Variants in ADGRB3 observed in about 807,000 individuals in gnomAD.
ADGRB3 encodes the protein brain-specific angiogenesis inhibitor 3.
In ADGRB3, 37 loss-of-function variants were observed where a neutral mutation model predicts 193.4. The observed-to-expected ratio is 0.19, with a 90% CI of 0.15 to 0.25. The LOEUF is 0.25. ADGRB3 is among the 10% of genes least tolerant of loss of function. The probability of loss-of-function intolerance (pLI) is 1.00; values close to 1 mark genes in which losing one functional copy is unlikely to be tolerated. For missense variants in ADGRB3, 1,637 were observed against 1,852.9 expected (o/e 0.88, Z 2.14); for synonymous variants, 690 against 644.2 (o/e 1.07, Z -1.08).
intron 8 of ADGRB3, among the ~76,000 whole-genome samples, chr6:68,968,381 A>G (rs1335127907): frequency 2.0e-5 from 3 of 152,216 alleles, no homozygotes; most frequent in African/African-American, 7.2e-5. Flanking sequence ...CCCGACAGGG[A>G]AATGAAGAAG....
intron 13 of ADGRB3, among the ~76,000 whole-genome samples, chr6:69,031,551 T>TTCTTTCTTTCTTTCTTTCTTTCTTTC (rs371280892): frequency 5.0e-3 from 70 of 13,872 alleles, no homozygotes; most frequent in African/African-American, 5.7e-3. Flanking sequence ...CTTTCTTTCT[T>TTCTTTCTTTCTTTCTTTCTTTCTTTC]TTTCTTTCTT....
chr6:69,279,108 T>C (rs1767369386), intron 20 of ADGRB3, among the ~76,000 whole-genome samples: 1 of 135,532 alleles, frequency 7.4e-6, no homozygotes, highest in Admixed American at 7.4e-5. Flanking sequence ...TATATATATA[T>C]ATATATATAT....
At chr6:69,159,495 T>A (rs190807048) in intron 17 of ADGRB3, among the ~76,000 whole-genome samples, 1 of 152,250 alleles carries the variant, frequency 6.6e-6, no homozygotes, top group Non-Finnish European at 1.5e-5. Context: ...GTAAATGAAC[T>A]GAACCCTGGC....
intron 3 of ADGRB3, among the ~76,000 whole-genome samples, chr6:68,911,488 G>T (rs549399452): frequency 1.9e-4 from 29 of 152,152 alleles, no homozygotes; most frequent in African/African-American, 6.5e-4. Flanking sequence ...TAATTTAAAT[G>T]CCTGAGTCAT....
chr6:68,927,782 T>A (rs1430714002), intron 3 of ADGRB3, among the ~76,000 whole-genome samples: 2 of 152,152 alleles, frequency 1.3e-5, no homozygotes, highest in Non-Finnish European at 2.9e-5. Context: ...ATTTTTAATA[T>A]CTTCTCTCTT....
chr6:69,084,342 A>C (rs776031630), intron 17 of ADGRB3, among the ~76,000 whole-genome samples: 4 of 152,224 alleles, frequency 2.6e-5, no homozygotes, highest in Non-Finnish European at 4.4e-5. Context: ...AGAAAAACCA[A>C]GGAGCCATGT....
intron 16 of ADGRB3, among the ~76,000 whole-genome samples, chr6:69,067,227 G>T (rs1226415801): frequency 6.6e-6 from 1 of 152,062 alleles, no homozygotes; most frequent in Non-Finnish European, 1.5e-5. Flanking sequence ...TCAGGGTTGA[G>T]ATAAATGCGT....
In ADGRB3 at chr6:69,205,542, A is replaced by G. The variant is rs546234335; in HGVS notation, c.2481-27748A>G. Among the ~76,000 whole-genome samples, 137 of 152,234 alleles carry G rather than the reference A, an allele frequency of 9.0e-4. 1 individual carries two copies. Among genetic ancestry groups the G allele is most frequent in the African/African-American group, 3.2e-3 (133 of 41,542 alleles). On this transcript the variant is annotated intron_variant, in intron 17 of 31. Coordinates refer to ENST00000370598, the MANE Select transcript of ADGRB3 (RefSeq NM_001704.3). ...AGACTGGGTGATTTATAAATAAAAGATGTTTATTTGCCTCATGGTTCTGGA... is the reference window on the plus strand; with the variant it reads ...AGACTGGGTGATTTATAAATAAAAGGTGTTTATTTGCCTCATGGTTCTGGA...
At chr6:68,823,504 A>G (rs1767785612) in intron 3 of ADGRB3, among the ~76,000 whole-genome samples, 1 of 152,016 alleles carries the variant, frequency 6.6e-6, no homozygotes, top group Non-Finnish European at 1.5e-5. Context: ...AGAAGATAAT[A>G]TGTTTTATTT....
rs182152914 is a variant in ADGRB3, at chr6:68,663,923, C to G, written c.757+24491C>G. Among the ~76,000 whole-genome samples, 4 of 151,898 alleles carry G rather than the reference C, an allele frequency of 2.6e-5. No individual in the cohort carries two copies. The East Asian group carries it at 7.8e-4, about 30-fold the overall frequency. ...TAAATTACAAGTAGCCCAACTAAAA[C>G]ATCTGCAGTGTGGTATTTTTGTGCA... On this transcript the variant is annotated intron_variant, in intron 3 of 31. Transcript: ENST00000370598.
At chr6:68,838,816 G>C (rs1768093326) in intron 3 of ADGRB3, among the ~76,000 whole-genome samples, 1 of 152,122 alleles carries the variant, frequency 6.6e-6, no homozygotes. Flanking sequence ...GTGTCAGTTT[G>C]CATTTATTTG....
intron 30 of ADGRB3, among the ~76,000 whole-genome samples, chr6:69,377,340 G>A (rs1013659712): frequency 4.0e-5 from 6 of 151,898 alleles, no homozygotes; most frequent in Non-Finnish European, 8.8e-5. Flanking sequence ...TCCTGTCAGT[G>A]GCCCCTTATT....
At chr6:69,103,515 AT>A (rs1268246300) in intron 17 of ADGRB3, among the ~76,000 whole-genome samples, 1 of 152,064 alleles carries the variant, frequency 6.6e-6, no homozygotes, top group African/African-American at 2.4e-5. Flanking sequence ...AAGAAGTCTC[AT>A]TTGCCAGTGA....
intron 3 of ADGRB3, among the ~76,000 whole-genome samples, chr6:68,882,063 T>A (rs553979121): frequency 6.6e-6 from 1 of 152,298 alleles, no homozygotes; most frequent in Non-Finnish European, 1.5e-5. Context: ...GTTAGCAAGC[T>A]TTTATGTTCT....
intron 10 of ADGRB3, among the ~76,000 whole-genome samples, chr6:68,989,193 G>T (rs1472716233): frequency 6.6e-6 from 1 of 151,936 alleles, no homozygotes; most frequent in Non-Finnish European, 1.5e-5. Flanking sequence ...AGCAAAACAA[G>T]AAATTTAAAA....
intron 3 of ADGRB3, among the ~76,000 whole-genome samples, chr6:68,736,563 C>T (rs572248177): frequency 6.6e-6 from 1 of 151,988 alleles, no homozygotes; most frequent in African/African-American, 2.4e-5. Context: ...GGATGGATAA[C>T]AGAGAGAGAC....
At chr6:69,224,692 A>C (rs1429178677) in intron 17 of ADGRB3, among the ~76,000 whole-genome samples, 1 of 152,162 alleles carries the variant, frequency 6.6e-6, no homozygotes, top group Non-Finnish European at 1.5e-5. Context: ...TTGATCCATG[A>C]ACTAATGTAT....
chr6:69,285,802 G>A (rs1767536521), intron 20 of ADGRB3, among the ~76,000 whole-genome samples: 1 of 151,932 alleles, frequency 6.6e-6, no homozygotes, highest in Non-Finnish European at 1.5e-5. Context: ...TCCAGCCTTA[G>A]CTCAAACTCT....
intron 13 of ADGRB3, among the ~76,000 whole-genome samples, chr6:69,020,182 A>G (rs7756637): frequency 0.017 from 2,613 of 151,934 alleles, 80 homozygotes; most frequent in African/African-American, 0.059. Flanking sequence ...AAATGTTAAC[A>G]TCTAATCCTA....
Sources: gnomAD v4.1 joint callset for allele counts (sites outside exome capture counted in the v4.1 genomes callset) on GRCh38, gnomAD v4.1.1 for gene constraint, MANE v1.5 for transcripts, NCBI Gene and HGNC (gene_info 2026-07-23, HGNC 2026-07-21) for gene names.